MRTFB: variants seen among roughly 807,000 people sequenced by gnomAD.
MRTFB encodes myocardin related transcription factor B.
MRTFB carries 29 observed loss-of-function variants against 104.2 expected under a neutral mutation model. The observed-to-expected ratio is 0.28, with a 90% CI of 0.21 to 0.38. The LOEUF (loss-of-function observed/expected upper bound fraction) is 0.38. Among genes scored for constraint, MRTFB ranks in the 10% least tolerant of loss-of-function variants. The probability of loss-of-function intolerance (pLI) is 1.00; values close to 1 mark genes in which losing one functional copy is unlikely to be tolerated. For synonymous variants in MRTFB, 535 were observed against 519.5 expected (o/e 1.03, Z -0.41); for missense variants, 1,270 against 1,341.6 (o/e 0.95, Z 0.83).
chr16:14,189,335 A>C (rs765128355), intron 3 of MRTFB, among the ~76,000 whole-genome samples: 19 of 152,178 alleles, frequency 1.2e-4, no homozygotes, highest in Non-Finnish European at 2.8e-4. Flanking sequence ...AGATTTGTAG[A>C]ATTTAACTTT....
At position 14,251,906 on chromosome 16, in the gene MRTFB, G is replaced by A; in HGVS notation, c.2448G>A (p.Gln816=). 1.9e-6 allele frequency: 3 copies of A among 1,614,046 alleles called. No homozygotes were observed. Among genetic ancestry groups the A allele is most frequent in the East Asian group, 2.2e-5 (1 of 44,898 alleles). ...SASSNTVLPY[Q]RHPAPAVQQP... ...CATCAAATACAGTTCTTCCATATCA[G>A]AGACATCCTGCCCCAGCTGTCCAGC... The change falls in exon 14 of 17, where the codon CAG becomes CAA. Residue 816 remains glutamine (Q), a synonymous_variant. Coordinates refer to ENST00000571589, the MANE Select transcript of MRTFB (RefSeq NM_001308142.2).
At chr16:14,055,754 A>T in the MRTFB span, among the ~76,000 whole-genome samples, 3 of 152,064 alleles carry the variant, frequency 2.0e-5, no homozygotes, top group Non-Finnish European at 4.4e-5. Context: ...CCACTTGATT[A>T]ATGTGGTGTC....
Position 14,259,625 on chromosome 16 carries a change from C to T in MRTFB, c.2765-1284C>T, listed in dbSNP as rs2043675701. 2.6e-5 allele frequency among the ~76,000 whole-genome samples: 4 copies of T among 152,104 alleles called. 1 individual carries two copies. Among genetic ancestry groups the T allele is most frequent in the Admixed American group, 2.6e-4 (4 of 15,264 alleles). ...ATTAGCTGGGCATGGTGGAGGGCAC[C>T]TGTAATCCAGCCACCCAGGAGGCTG... is the stretch of plus-strand genomic sequence containing the variant. On this transcript the variant is annotated intron_variant, in intron 16 of 16. Coordinates refer to ENST00000571589, the MANE Select transcript of MRTFB (RefSeq NM_001308142.2).
intron 12 of MRTFB, 135 bp downstream of exon 12, chr16:14,247,642 T>G (rs748916833): frequency 1.4e-6 from 1 of 734,394 alleles, no homozygotes; most frequent in South Asian, 1.9e-5. Flanking sequence ...TATGCATGTG[T>G]GAGAGGGTTA....
At chr16:14,030,002 G>C in the MRTFB span, among the ~76,000 whole-genome samples, 3 of 151,924 alleles carry the variant, frequency 2.0e-5, no homozygotes, top group South Asian at 2.1e-4. Flanking sequence ...GGCATGGGGA[G>C]GGGGGAGGGG....
chr16:14,074,607 C>T (rs2033925219), intron 1 of MRTFB, among the ~76,000 whole-genome samples: 1 of 151,990 alleles, frequency 6.6e-6, no homozygotes, highest in Non-Finnish European at 1.5e-5. Context: ...CTTAGTAGGA[C>T]ATTATATCTT....
At chr16:14,205,575 C>T (rs2151138656) in intron 3 of MRTFB, among the ~76,000 whole-genome samples, 1 of 152,276 alleles carries the variant, frequency 6.6e-6, no homozygotes, top group South Asian at 2.1e-4. Flanking sequence ...TTCTTAGGAC[C>T]ATGTGTTGGA....
chr16:14,099,109 A>G (rs759004666), intron 2 of MRTFB, among the ~76,000 whole-genome samples: 14 of 152,196 alleles, frequency 9.2e-5, no homozygotes, highest in Admixed American at 7.9e-4. Context: ...AAGTTATACA[A>G]AACAGCCTGC....
At chr16:14,043,587 C>T in the MRTFB span, among the ~76,000 whole-genome samples, 1 of 152,120 alleles carries the variant, frequency 6.6e-6, no homozygotes, top group Non-Finnish European at 1.5e-5. Context: ...AGAATCTAGG[C>T]CAGGCAGTCT....
At chr16:14,249,763 C>T (rs2043176868) in intron 13 of MRTFB, among the ~76,000 whole-genome samples, 1 of 152,178 alleles carries the variant, frequency 6.6e-6, no homozygotes, top group South Asian at 2.1e-4. Flanking sequence ...AATCTTATGC[C>T]TCAAAAATAG....
At chr16:14,181,000 T>C (rs1233370058) in intron 3 of MRTFB, among the ~76,000 whole-genome samples, 1 of 152,198 alleles carries the variant, frequency 6.6e-6, no homozygotes, top group East Asian at 1.9e-4. Flanking sequence ...TCCTTCCTTA[T>C]GAAACAGCGG....
At chr16:14,085,749 A>C (rs1321621790) in intron 2 of MRTFB, among the ~76,000 whole-genome samples, 1 of 152,220 alleles carries the variant, frequency 6.6e-6, no homozygotes, top group Non-Finnish European at 1.5e-5. Flanking sequence ...AAGGGCCTTA[A>C]ATTTTAATTT....
At chr16:14,143,470 G>A (rs564961294) in intron 3 of MRTFB, 2 of 150,796 alleles carry the variant, frequency 1.3e-5, no homozygotes, top group South Asian at 2.1e-4. Flanking sequence ...TAATCTTCCC[G>A]GTATCTTTGA....
At chr16:14,095,592 T>G (rs1031800943) in intron 2 of MRTFB, among the ~76,000 whole-genome samples, 1 of 152,232 alleles carries the variant, frequency 6.6e-6, no homozygotes, top group Non-Finnish European at 1.5e-5. Flanking sequence ...TGTTCTGAAC[T>G]TGAGTGAAAC....
chr16:14,090,704 C>T (rs773475659), intron 2 of MRTFB, among the ~76,000 whole-genome samples: 1 of 152,168 alleles, frequency 6.6e-6, no homozygotes, highest in Non-Finnish European at 1.5e-5. Context: ...AGTCTCTCTT[C>T]TGGTTACTTC....
At chr16:14,051,382 C>T in the MRTFB span, among the ~76,000 whole-genome samples, 6 of 151,996 alleles carry the variant, frequency 3.9e-5, no homozygotes, top group Non-Finnish European at 8.8e-5. Flanking sequence ...AACACACAGA[C>T]ACACTCATAC....
At chr16:14,241,605 G>A (rs892205963) in intron 10 of MRTFB, 9 of 152,070 alleles carry the variant, frequency 5.9e-5, no homozygotes, top group South Asian at 2.1e-4. Flanking sequence ...ATGATTATAC[G>A]ACCTGTAGAA....
At chr16:14,176,119 G>A (rs1010660936) in intron 3 of MRTFB, among the ~76,000 whole-genome samples, 2 of 152,128 alleles carry the variant, frequency 1.3e-5, no homozygotes, top group Non-Finnish European at 2.9e-5. Context: ...TGATTTTGAG[G>A]TGTCTTTTAG....
At chr16:14,023,656 T>C in the MRTFB span, among the ~76,000 whole-genome samples, 4 of 127,994 alleles carry the variant, frequency 3.1e-5, no homozygotes, top group Admixed American at 2.3e-4. Context: ...TATACATATT[T>C]ATGTGTGTGT....
Sources: allele counts gnomAD v4.1 joint callset (sites outside exome capture counted in the v4.1 genomes callset), GRCh38; gene constraint gnomAD v4.1.1; transcripts MANE v1.5; gene names NCBI Gene and HGNC (gene_info 2026-07-23, HGNC 2026-07-21).